Variants in ADAM7 observed in about 807,000 individuals in gnomAD.
ADAM7 encodes the protein disintegrin and metalloproteinase domain-containing protein 7.
ADAM7 carries 97 observed loss-of-function variants against 102.9 expected under a neutral mutation model. That is an observed-to-expected ratio of 0.94 (90% CI 0.80 to 1.12). The LOEUF (loss-of-function observed/expected upper bound fraction) is 1.12. Ranked by LOEUF, ADAM7 falls within the 50% of genes most tolerant of loss-of-function variation. The pLI is 0.00. For missense variants in ADAM7, 991 were observed against 908.7 expected, an observed-to-expected ratio of 1.09 and a Z score of -1.16; for synonymous variants, 334 against 304.4, an observed-to-expected ratio of 1.10 and a Z score of -1.01.
At chr8:24,463,825 T>C (rs1819333207) in intron 3 of ADAM7, 57 bp from the exon 4 acceptor site, 3 of 1,421,962 alleles carry the variant, frequency 2.1e-6, no homozygotes, top group Admixed American at 1.7e-5. Context: ...TTATAGGTTT[T>C]ATCTGTCAGG....
chr8:24,451,177 G>A (rs1382318284), intron 3 of ADAM7, among the ~76,000 whole-genome samples: 1 of 151,696 alleles, frequency 6.6e-6, no homozygotes, highest in African/African-American at 2.4e-5. Context: ...AATGAGTTAG[G>A]GAGGATTCCC....
Position 24,501,128 on chromosome 8 carries a change from T to C in ADAM7, c.2108+233T>C, listed in dbSNP as rs1374400080. On this transcript the variant is annotated intron_variant, in intron 19 of 21. Coordinates refer to ENST00000175238, the MANE Select transcript of ADAM7 (RefSeq NM_003817.4). ...CAACAGGTCTTTCAAAAAATACTGA[T>C]GTGGGTTGAAGACATTGTGATTTAA... Among the ~76,000 whole-genome samples the C allele has an allele frequency of 2.6e-5, 4 of 152,168 alleles. No individual in the cohort carries two copies. In the East Asian group the frequency reaches 7.7e-4, roughly 29 times the overall value.
At chr8:24,485,159 TAAG>T (rs1446706231) in intron 9 of ADAM7, 115 bp from the exon 10 acceptor site, 4 of 892,476 alleles carry the variant, frequency 4.5e-6, no homozygotes, top group Non-Finnish European at 7.1e-6. Flanking sequence ...ACTCCAGAAA[TAAG>T]AAGGCATTTT....
At chr8:24,482,576 C>A (rs1451203399) in intron 9 of ADAM7, among the ~76,000 whole-genome samples, 2 of 151,940 alleles carry the variant, frequency 1.3e-5, no homozygotes, top group African/African-American at 4.8e-5. Flanking sequence ...TAGCAAGACC[C>A]CATCTGTACA....
intron 6 of ADAM7, among the ~76,000 whole-genome samples, chr8:24,468,535 A>G (rs1213068258): frequency 6.6e-6 from 1 of 151,664 alleles, no homozygotes; most frequent in Non-Finnish European, 1.5e-5. Context: ...AAAAGAAAAG[A>G]AAAAAAAGAA....
intron 3 of ADAM7, among the ~76,000 whole-genome samples, chr8:24,459,064 C>G (rs1444359812): frequency 6.6e-6 from 1 of 151,962 alleles, no homozygotes; most frequent in Non-Finnish European, 1.5e-5. Flanking sequence ...GAAATATTCT[C>G]TCCTGTATTT....
chr8:24,487,333 T>A lies in ADAM7; in HGVS notation c.1091+16T>A, dbSNP rs774898970. The A allele has an allele frequency of 6.2e-7, 1 of 1,612,344 alleles. No individual in the cohort carries two copies. ...GTGATGGAAGGTGAGATTCGAACAATGTACAGAATACACTTACATAATTCA... is the reference window on the plus strand; with the variant it reads ...GTGATGGAAGGTGAGATTCGAACAAAGTACAGAATACACTTACATAATTCA... On this transcript the variant is annotated intron_variant, in intron 11 of 21. Coordinates refer to ENST00000175238, the MANE Select transcript of ADAM7 (RefSeq NM_003817.4).
chr8:24,492,047 A>T lies in ADAM7; in HGVS notation c.1501A>T (p.Met501Leu), dbSNP rs774050383. ...CAAGAACTCAGAAGGCTACTGTTTC[A>T]TGGGGAAATGTCCAACTCGTGAGGA... ...PCKNSEGYCF[M>L]GKCPTREDQC... The change falls in exon 14 of 22, where the codon ATG (methionine) becomes TTG (leucine). Residue 501 changes from methionine (M) to leucine (L), a missense_variant. By Grantham distance (15) the Met-to-Leu change is conservative (BLOSUM62 2). Transcript: ENST00000175238. The T allele has an allele frequency of 6.2e-7, 1 of 1,613,936 alleles. No individual in the cohort carries two copies. The highest frequency in any genetic ancestry group is 1.7e-5 in the Admixed American group (1 of 60,004).
chr8:24,475,584 G>A (rs1819741455), intron 7 of ADAM7, among the ~76,000 whole-genome samples: 1 of 152,112 alleles, frequency 6.6e-6, no homozygotes, highest in Admixed American at 6.5e-5. Flanking sequence ...AGTGTAGTAG[G>A]TTGAATACGT....
chr8:24,476,919 C>T (rs2129386370), intron 8 of ADAM7, among the ~76,000 whole-genome samples: 1 of 152,158 alleles, frequency 6.6e-6, no homozygotes, highest in South Asian at 2.1e-4. Context: ...TATTAAAATG[C>T]TTAATTTGTC....
At chr8:24,441,528 C>T (rs969057211) in intron 1 of ADAM7, among the ~76,000 whole-genome samples, 1 of 152,204 alleles carries the variant, frequency 6.6e-6, no homozygotes, top group South Asian at 2.1e-4. Flanking sequence ...AAATATGCTA[C>T]TGCTGGCCAC....
Position 24,492,553 on chromosome 8 carries a change from A to G in ADAM7, c.1611A>G (p.Gly537=), listed in dbSNP as rs745789282. Residue 537 remains glycine (G), a synonymous_variant, in exon 15 of 22, where the codon GGA becomes GGG. Coordinates refer to ENST00000175238, the MANE Select transcript of ADAM7 (RefSeq NM_003817.4). ...TGAATACAAAAGGAAATAAATTTGG[A>G]TACTGCAAAAACAAGGAAAACAGAT... ...YKMNTKGNKF[G]YCKNKENRFL... is the part of the protein sequence containing the mutation. 3 of 1,613,146 alleles carry G rather than the reference A, an allele frequency of 1.9e-6. No individual in the cohort carries two copies. Among genetic ancestry groups the G allele is most frequent in the Non-Finnish European group, 2.5e-6 (3 of 1,179,494 alleles).
At chr8:24,501,396 C>A in intron 19 of ADAM7, 81 bp from the exon 20 acceptor site, 1 of 1,017,416 alleles carries the variant, frequency 9.8e-7, no homozygotes, top group Non-Finnish European at 1.5e-6. Context: ...ATAAAAATTA[C>A]TAAAGCTTAC....
At chr8:24,451,699 C>A (rs371935435) in intron 3 of ADAM7, among the ~76,000 whole-genome samples, 2,588 of 150,112 alleles carry the variant, frequency 0.017, 36 homozygotes, top group Non-Finnish European at 0.025. Context: ...TAGCTTTTGA[C>A]TGTGTTTGCT....
intron 16 of ADAM7, among the ~76,000 whole-genome samples, chr8:24,495,688 C>T (rs1354989943): frequency 2.6e-5 from 4 of 152,138 alleles, no homozygotes; most frequent in African/African-American, 9.7e-5. Flanking sequence ...TAGCATTTTG[C>T]CCCTGCTCTA....
At chr8:24,488,952 C>T (rs899002129) in intron 11 of ADAM7, among the ~76,000 whole-genome samples, 1 of 152,022 alleles carries the variant, frequency 6.6e-6, no homozygotes, top group African/African-American at 2.4e-5. Context: ...GCTGGAGGAT[C>T]TATAACCAAG....
At chr8:24,482,849 T>C (rs1820007673) in intron 9 of ADAM7, among the ~76,000 whole-genome samples, 1 of 152,212 alleles carries the variant, frequency 6.6e-6, no homozygotes, top group Non-Finnish European at 1.5e-5. Context: ...TCATATTCCT[T>C]GGTAGACTTA....
chr8:24,487,407 G>A, intron 11 of ADAM7, 90 bp downstream of exon 11: 1 of 1,450,622 alleles, frequency 6.9e-7, no homozygotes, highest in Non-Finnish European at 9.2e-7. Context: ...AGCACTTTGG[G>A]AGGCCGAGGC....
In ADAM7 at chr8:24,509,081, A is replaced by G. The variant is rs1248492278; in HGVS notation, c.*535A>G. On this transcript the variant is annotated 3_prime_UTR_variant, in exon 22 of 22. Transcript: ENST00000175238. ...TTAAAAGTGAAAGAGGCAGAAGAAT[A>G]GTGGACAGAACTGCAGGATAGTCCT... The G allele has an allele frequency of 1.0e-6, 1 of 986,200 alleles. No individual in the cohort carries two copies. The highest frequency in any genetic ancestry group is 1.2e-6 in the Non-Finnish European group (1 of 830,596). The allele number at this position is 986,200 out of a possible 1,614,324, so 61.1% of individuals were successfully genotyped here. A position where few individuals can be genotyped will look rare whatever the true frequency, so the allele number is the denominator to read the frequency against.
Sources: allele counts gnomAD v4.1 joint callset (sites outside exome capture counted in the v4.1 genomes callset), GRCh38; gene constraint gnomAD v4.1.1; transcripts MANE v1.5; gene names NCBI Gene and HGNC (gene_info 2026-07-23, HGNC 2026-07-21).